IMMP2L: variants seen among roughly 807,000 people sequenced by gnomAD.
IMMP2L encodes the protein mitochondrial inner membrane protease subunit 2.
IMMP2L carries 18 observed loss-of-function variants against 19.3 expected under a neutral mutation model. The ratio of observed to expected loss-of-function variants is 0.93; its 90% CI spans 0.64 to 1.38. The LOEUF is 1.38. Among genes scored for constraint, IMMP2L ranks in the 40% most tolerant of loss-of-function variants. The pLI is 0.00. For synonymous variants in IMMP2L, 76 were observed against 73.0 expected (o/e 1.04, Z -0.21); for missense variants, 233 against 218.2 (o/e 1.07, Z -0.43).
At chr7:111,409,940 G>A (rs1367901282) in intron 3 of IMMP2L, among the ~76,000 whole-genome samples, 1 of 151,774 alleles carries the variant, frequency 6.6e-6, no homozygotes, top group African/African-American at 2.4e-5. Context: ...GTATAAGAAT[G>A]GGGAACTCAG....
At chr7:110,663,858 A>T in intron 5 of IMMP2L, 137 bp from the exon 6 acceptor site, 1 of 547,260 alleles carries the variant, frequency 1.8e-6, no homozygotes, top group Non-Finnish European at 3.1e-6. Context: ...AATAGTAAAC[A>T]CCTTTTGTAG....
chr7:111,103,297 T>C (rs1173373347), intron 3 of IMMP2L, among the ~76,000 whole-genome samples: 1 of 151,638 alleles, frequency 6.6e-6, no homozygotes, highest in Non-Finnish European at 1.5e-5. Context: ...CATACACGTA[T>C]ACATTTACAC....
chr7:110,961,175 A>G (rs1366697598), intron 4 of IMMP2L, among the ~76,000 whole-genome samples: 1 of 151,894 alleles, frequency 6.6e-6, no homozygotes, highest in Non-Finnish European at 1.5e-5. Flanking sequence ...TCAGCATCCC[A>G]CAGATACAGT....
At chr7:111,406,770 G>C (rs1341129021) in intron 3 of IMMP2L, among the ~76,000 whole-genome samples, 1 of 151,974 alleles carries the variant, frequency 6.6e-6, no homozygotes, top group African/African-American at 2.4e-5. Flanking sequence ...CCTGTTAATA[G>C]GTGGATTCCC....
intron 4 of IMMP2L, among the ~76,000 whole-genome samples, chr7:110,954,059 C>G (rs1563108453): frequency 6.6e-6 from 1 of 152,088 alleles, no homozygotes; most frequent in Non-Finnish European, 1.5e-5. Flanking sequence ...AGAATATATA[C>G]CAGACATATG....
chr7:111,091,798 G>T (rs1410892212), intron 3 of IMMP2L, among the ~76,000 whole-genome samples: 1 of 151,858 alleles, frequency 6.6e-6, no homozygotes, highest in Non-Finnish European at 1.5e-5. Context: ...AAAGGAGGGA[G>T]ACAGAAGAGA....
chr7:111,332,871 G>T (rs1826012660), intron 3 of IMMP2L, among the ~76,000 whole-genome samples: 1 of 151,892 alleles, frequency 6.6e-6, no homozygotes, highest in East Asian at 1.9e-4. Context: ...TTTAAAAAAG[G>T]CTCCTTGCGA....
chr7:110,702,384 T>C (rs575166645), intron 5 of IMMP2L, among the ~76,000 whole-genome samples: 136 of 152,280 alleles, frequency 8.9e-4, no homozygotes, highest in African/African-American at 3.1e-3. Flanking sequence ...TGGTTACTTA[T>C]GAACAAAAAG....
intron 5 of IMMP2L, among the ~76,000 whole-genome samples, chr7:110,755,201 T>C (rs550124566): frequency 4.3e-4 from 65 of 152,208 alleles, no homozygotes; most frequent in Non-Finnish European, 7.1e-4. Context: ...GTTTACTGCA[T>C]GTTTGTATAT....
intron 1 of IMMP2L, among the ~76,000 whole-genome samples, chr7:111,539,880 C>G (rs1226399724): frequency 6.6e-6 from 1 of 151,980 alleles, no homozygotes; most frequent in African/African-American, 2.4e-5. Context: ...CATTTGAATA[C>G]AAAAATATCC....
intron 3 of IMMP2L, among the ~76,000 whole-genome samples, chr7:111,397,590 C>T (rs1369343078): frequency 4.6e-5 from 7 of 152,118 alleles, no homozygotes; most frequent in Admixed American, 1.3e-4. Flanking sequence ...TATTGTGTTG[C>T]TGGTATGATG....
intron 5 of IMMP2L, among the ~76,000 whole-genome samples, chr7:110,818,228 A>G (rs1445791575): frequency 1.3e-5 from 2 of 152,156 alleles, no homozygotes; most frequent in East Asian, 1.9e-4. Flanking sequence ...ACAAAGGGCT[A>G]ATATCCAGAA....
chr7:111,451,329 T>C (rs1839146630), intron 3 of IMMP2L, among the ~76,000 whole-genome samples: 2 of 151,132 alleles, frequency 1.3e-5, no homozygotes, highest in Admixed American at 6.6e-5. Flanking sequence ...CCAAGAATGA[T>C]AGACTAGATT....
chr7:110,962,846 C>T, intron 4 of IMMP2L: 1 of 1,242,966 alleles, frequency 8.0e-7, no homozygotes, highest in Non-Finnish European at 1.0e-6. Context: ...TTTTGGCTAC[C>T]ACATTGTATA....
chr7:110,858,849 C>T lies in IMMP2L; in HGVS notation c.408+27744G>A, dbSNP rs866493097. On this transcript the variant is annotated intron_variant, in intron 5 of 5. Transcript: ENST00000405709. The stretch of plus-strand genomic sequence containing the variant: ...ATTCCCACCTGTGAGTGAGAACATG[C>T]GGTGTTTGGTTTTTTGTCCTTGTGA... Among the ~76,000 whole-genome samples the T allele has an allele frequency of 1.4e-4, 22 of 151,902 alleles. 1 individual carries two copies. Among genetic ancestry groups the T allele is most frequent in the African/African-American group, 5.1e-4 (21 of 41,466 alleles).
intron 5 of IMMP2L, among the ~76,000 whole-genome samples, chr7:110,820,178 T>C (rs903798711): frequency 6.6e-6 from 1 of 152,054 alleles, no homozygotes; most frequent in African/African-American, 2.4e-5. Context: ...ACAAAATCCA[T>C]CTACTTATTC....
chr7:111,249,634 C>T (rs1210341574), intron 3 of IMMP2L, among the ~76,000 whole-genome samples: 7 of 152,182 alleles, frequency 4.6e-5, no homozygotes, highest in Non-Finnish European at 1.0e-4. Context: ...TGTAATTCAT[C>T]ACATAAACAG....
intron 3 of IMMP2L, among the ~76,000 whole-genome samples, chr7:111,242,147 C>A (rs1815138955): frequency 6.6e-6 from 1 of 151,952 alleles, no homozygotes; most frequent in South Asian, 2.1e-4. Context: ...TTACCATAAA[C>A]TTTTCCTGAA....
intron 3 of IMMP2L, among the ~76,000 whole-genome samples, chr7:111,363,704 A>G (rs78120400): frequency 0.022 from 3,273 of 152,176 alleles, 124 homozygotes; most frequent in African/African-American, 0.075. Flanking sequence ...ATCTAATCAT[A>G]GGACTCTCCT....
Sources: gnomAD v4.1 joint callset for allele counts (sites outside exome capture counted in the v4.1 genomes callset) on GRCh38, gnomAD v4.1.1 for gene constraint, MANE v1.5 for transcripts, NCBI Gene and HGNC (gene_info 2026-07-23, HGNC 2026-07-21) for gene names.